The following RNF13 variants were observed in gnomAD, a reference collection of about 807,000 sequenced individuals.
RNF13 encodes the protein ring finger protein 13, also known as E3 ubiquitin-protein ligase RNF13.
Under a neutral mutation model 37.7 loss-of-function variants are expected in RNF13, and 19 were observed. The observed-to-expected ratio is 0.50, with a 90% CI of 0.35 to 0.74. The LOEUF (loss-of-function observed/expected upper bound fraction) is 0.74, where lower values mean the gene tolerates loss of function less well. Ranked by LOEUF, RNF13 falls within the 30% of genes least tolerant of loss-of-function variation. The pLI, the probability that RNF13 is intolerant of heterozygous loss-of-function variation, is 0.01. For missense variants in RNF13, 375 were observed against 453.0 expected, an observed-to-expected ratio of 0.83 and a Z score of 1.56; for synonymous variants, 144 against 157.8, an observed-to-expected ratio of 0.91 and a Z score of 0.65.
At chr3:149,824,812 CT>C (rs528414164) in intron 1 of RNF13, among the ~76,000 whole-genome samples, 669 of 138,730 alleles carry the variant, frequency 4.8e-3, no homozygotes, top group African/African-American at 5.3e-3. Flanking sequence ...AGGTCATCCT[CT>C]TTTTTTTTTT....
At chr3:149,904,174 TTTTAC>T (rs1304445409) in intron 6 of RNF13, among the ~76,000 whole-genome samples, 15 of 152,090 alleles carry the variant, frequency 9.9e-5, no homozygotes, top group African/African-American at 3.6e-4. Flanking sequence ...GGTCTAGAAT[TTTTAC>T]TTTATTGACC....
At chr3:149,933,590 T>G (rs974232831) in intron 8 of RNF13, among the ~76,000 whole-genome samples, 1 of 150,810 alleles carries the variant, frequency 6.6e-6, no homozygotes, top group African/African-American at 2.4e-5. Context: ...TTCTTCTTTT[T>G]TTTTTTTTTT....
intron 2 of RNF13, among the ~76,000 whole-genome samples, chr3:149,849,556 C>T (rs1433907202): frequency 6.6e-6 from 1 of 152,188 alleles, no homozygotes; most frequent in Non-Finnish European, 1.5e-5. Context: ...TCGCAGTTAA[C>T]TTTGTAAAAG....
intron 3 of RNF13, among the ~76,000 whole-genome samples, chr3:149,856,980 C>T (rs1357637265): frequency 1.3e-5 from 2 of 152,194 alleles, no homozygotes; most frequent in African/African-American, 4.8e-5. Flanking sequence ...AATCTTCTGA[C>T]TTCATGATCC....
At chr3:149,950,291 G>C (rs997420593) in intron 8 of RNF13, among the ~76,000 whole-genome samples, 2 of 145,106 alleles carry the variant, frequency 1.4e-5, no homozygotes, top group South Asian at 4.4e-4. Flanking sequence ...GAGTCTGTTT[G>C]TGATGCCTGC....
chr3:149,819,533 C>T (rs561347842), intron 1 of RNF13, among the ~76,000 whole-genome samples: 2 of 152,136 alleles, frequency 1.3e-5, no homozygotes, highest in African/African-American at 2.4e-5. Flanking sequence ...TGTATAGCTC[C>T]TAACTTTAAG....
intron 4 of RNF13, among the ~76,000 whole-genome samples, chr3:149,891,116 T>A (rs1714648566): frequency 6.6e-6 from 1 of 152,212 alleles, no homozygotes; most frequent in African/African-American, 2.4e-5. Flanking sequence ...AACCCCATGC[T>A]TCTCTATCTA....
chr3:149,812,809 T>G (rs1318242486), upstream of RNF13: 5 of 152,890 alleles, frequency 3.3e-5, no homozygotes, highest in African/African-American at 4.8e-5. Context: ...CTTGGGCTAC[T>G]CTGTCCCAAC....
intron 1 of RNF13, among the ~76,000 whole-genome samples, chr3:149,841,176 A>T (rs964136220): frequency 3.9e-5 from 6 of 152,246 alleles, no homozygotes; most frequent in African/African-American, 1.4e-4. Flanking sequence ...CTAGTAATAC[A>T]GCTGACAGCC....
intron 8 of RNF13, chr3:149,939,585 C>T (rs143928461): frequency 1.0e-4 from 61 of 606,822 alleles, no homozygotes; most frequent in African/African-American, 5.8e-4. Context: ...TTACTTTAAT[C>T]GGACTGCCTT....
chr3:149,925,148 T>G (rs1320180511), intron 8 of RNF13, among the ~76,000 whole-genome samples: 1 of 152,198 alleles, frequency 6.6e-6, no homozygotes, highest in East Asian at 1.9e-4. Context: ...AGGAATGGAC[T>G]AGGGAAATAT....
chr3:149,899,830 G>A (rs916509789), intron 5 of RNF13, among the ~76,000 whole-genome samples: 3 of 152,174 alleles, frequency 2.0e-5, no homozygotes, highest in Non-Finnish European at 2.9e-5. Context: ...AGAGTTGATC[G>A]ACTGAGAGAA....
rs1722436355 is a variant in RNF13 at position 149,961,597 on chromosome 3, A to AAAG, written c.*496_*498dup. ...ATTCAGCCTTTCCTCCTATCAGCAC[A>AAAG]AAGAAACTCAAAGCTGTTTTTTCCC... On this transcript the variant is annotated 3_prime_UTR_variant, in exon 10 of 10. Coordinates refer to ENST00000392894, the MANE Select transcript of RNF13 (RefSeq NM_183381.3). 7.5e-6 allele frequency: 2 copies of AAAG among 267,398 alleles called. No individual in the cohort carries two copies. Among genetic ancestry groups the AAAG allele is most frequent in the African/African-American group, 4.9e-5 (2 of 41,208 alleles). 16.6% of individuals were successfully genotyped at this position (267,398 alleles called of 1,614,324 possible). A position where few individuals can be genotyped will look rare whatever the true frequency, so the allele number is the denominator to read the frequency against.
intron 1 of RNF13, among the ~76,000 whole-genome samples, chr3:149,819,167 C>G (rs948593858): frequency 6.6e-6 from 1 of 152,158 alleles, no homozygotes; most frequent in African/African-American, 2.4e-5. Flanking sequence ...ATATCTCTTG[C>G]ACTAATGTTT....
chr3:149,813,562 C>G (rs1048981805), intron 1 of RNF13, among the ~76,000 whole-genome samples: 1 of 152,196 alleles, frequency 6.6e-6, no homozygotes, highest in African/African-American at 2.4e-5. Context: ...CCCCTGCACT[C>G]TCATTCCGCG....
chr3:149,921,350 G>A (rs185703661), intron 8 of RNF13, 123 bp downstream of exon 8: 18 of 251,176 alleles, frequency 7.2e-5, no homozygotes, highest in Admixed American at 3.4e-4. Context: ...TGTGCACAAC[G>A]TGCAGGTTTG....
chr3:149,932,363 A>G (rs1162707767), intron 8 of RNF13, among the ~76,000 whole-genome samples: 1 of 152,198 alleles, frequency 6.6e-6, no homozygotes, highest in East Asian at 1.9e-4. Context: ...GTAGTACAAT[A>G]CAATCATCTC....
At chr3:149,949,765 T>A (rs948071768) in intron 8 of RNF13, among the ~76,000 whole-genome samples, 14 of 151,786 alleles carry the variant, frequency 9.2e-5, no homozygotes, top group Admixed American at 9.2e-4. Context: ...CTTCTCTTTT[T>A]CTTCTTTCTT....
intron 3 of RNF13, among the ~76,000 whole-genome samples, chr3:149,853,456 GA>G (rs1470835907): frequency 7.7e-3 from 38 of 4,926 alleles, no homozygotes; most frequent in South Asian, 0.073. Flanking sequence ...GAGAGAGAGG[GA>G]GAGAGAGAGA....
Sources: allele counts gnomAD v4.1 joint callset (sites outside exome capture counted in the v4.1 genomes callset), GRCh38; gene constraint gnomAD v4.1.1; transcripts MANE v1.5; gene names NCBI Gene and HGNC (gene_info 2026-07-23, HGNC 2026-07-21).